The following SLIT2 variants were observed in gnomAD, a reference collection of about 807,000 sequenced individuals.
SLIT2 encodes slit guidance ligand 2.
A neutral mutation model predicts 185.7 loss-of-function variants in SLIT2; 41 were observed. The observed-to-expected ratio is 0.22, with a 90% confidence interval of 0.17 to 0.29. The LOEUF (loss-of-function observed/expected upper bound fraction) is 0.29, where lower values mean the gene tolerates loss of function less well. Among genes scored for constraint, SLIT2 ranks in the 10% least tolerant of loss-of-function variants. SLIT2 has a pLI of 1.00. For synonymous variants in SLIT2, 693 were observed against 680.2 expected (o/e 1.02, Z -0.29); for missense variants, 1,571 against 1,909.0 (o/e 0.82, Z 3.30).
At chr4:20,578,953 A>G (rs1322684645) in intron 29 of SLIT2, among the ~76,000 whole-genome samples, 1 of 152,172 alleles carries the variant, frequency 6.6e-6, no homozygotes, top group East Asian at 1.9e-4. Context: ...AAATAAGCCT[A>G]GATGAGACAT....
chr4:20,584,170 T>C (rs768589761), intron 29 of SLIT2, among the ~76,000 whole-genome samples: 3 of 152,168 alleles, frequency 2.0e-5, no homozygotes, highest in Non-Finnish European at 4.4e-5. Flanking sequence ...ACATCTCTAA[T>C]TCCAGAGCCT....
intron 4 of SLIT2, among the ~76,000 whole-genome samples, chr4:20,418,727 A>G (rs912398248): frequency 6.6e-6 from 1 of 152,206 alleles, no homozygotes. Flanking sequence ...GTTGTCACAT[A>G]TTGAAATTTG....
intron 4 of SLIT2, among the ~76,000 whole-genome samples, chr4:20,374,996 A>G (rs902199562): frequency 6.6e-6 from 1 of 151,854 alleles, no homozygotes; most frequent in Non-Finnish European, 1.5e-5. Flanking sequence ...TTTCTTCCTT[A>G]TAGCTCATTG....
intron 5 of SLIT2, among the ~76,000 whole-genome samples, chr4:20,477,236 C>G (rs1361063520): frequency 6.6e-6 from 1 of 150,716 alleles, no homozygotes; most frequent in Non-Finnish European, 1.5e-5. Flanking sequence ...CTCTTGTTGC[C>G]CAGGTGGGAG....
intron 4 of SLIT2, among the ~76,000 whole-genome samples, chr4:20,376,583 T>A (rs946308077): frequency 2.6e-5 from 4 of 152,080 alleles, no homozygotes; most frequent in Non-Finnish European, 5.9e-5. Flanking sequence ...AAAATATGGG[T>A]GAAATGATTT....
intron 4 of SLIT2, among the ~76,000 whole-genome samples, chr4:20,466,992 G>A (rs1714427639): frequency 6.6e-6 from 1 of 152,060 alleles, no homozygotes; most frequent in Non-Finnish European, 1.5e-5. Context: ...CATAGAATTG[G>A]CATTGGAATT....
At chr4:20,568,837 T>C (rs1259300733) in intron 28 of SLIT2, 28 bp from the exon 29 acceptor site, 1 of 1,602,160 alleles carries the variant, frequency 6.2e-7, no homozygotes, top group African/African-American at 1.3e-5. Flanking sequence ...AAAAAGATGT[T>C]TTTTGCCTTT....
At position 20,548,578 on chromosome 4, in the gene SLIT2, T is replaced by C. The variant is rs774106672; in HGVS notation, c.2417+19T>C. ...TCACCTTGTGAGTGTGAAAGTGTGG[T>C]ACTGAGTATTCATTAATTCAATGGA... On this transcript the variant is annotated intron_variant, in intron 23 of 36. Transcript: ENST00000504154. 1.3e-6 allele frequency: 2 copies of C among 1,482,434 alleles called. No individual in the cohort carries two copies. The highest frequency in any genetic ancestry group is 1.1e-5 in the South Asian group (1 of 88,044). 91.8% of individuals were successfully genotyped at this position (1,482,434 alleles called of 1,614,324 possible). A position where few individuals can be genotyped will look rare whatever the true frequency, so the allele number is the denominator to read the frequency against.
At chr4:20,472,263 T>G (rs1177447012) in intron 5 of SLIT2, among the ~76,000 whole-genome samples, 6 of 58,090 alleles carry the variant, frequency 1.0e-4, no homozygotes, top group African/African-American at 4.5e-4. Context: ...TAGATCTATA[T>G]ATAGATATAT....
chr4:20,541,407 A>G, intron 19 of SLIT2, 46 bp from the exon 20 acceptor site: 2 of 1,574,792 alleles, frequency 1.3e-6, no homozygotes, highest in Non-Finnish European at 1.7e-6. Context: ...AAGGAAGAAG[A>G]TGAAACCCCA....
At chr4:20,536,845 G>T (rs1560174926) in intron 18 of SLIT2, among the ~76,000 whole-genome samples, 2 of 151,016 alleles carry the variant, frequency 1.3e-5, no homozygotes, top group African/African-American at 4.9e-5. Context: ...TAAATTGTTT[G>T]ATTTACTTAC....
At chr4:20,384,704 A>C (rs1372104550) in intron 4 of SLIT2, among the ~76,000 whole-genome samples, 1 of 152,144 alleles carries the variant, frequency 6.6e-6, no homozygotes, top group African/African-American at 2.4e-5. Context: ...GAATATAGCC[A>C]CATAAGGAGA....
intron 4 of SLIT2, among the ~76,000 whole-genome samples, chr4:20,458,558 A>C (rs900618940): frequency 6.6e-6 from 1 of 152,186 alleles, no homozygotes; most frequent in Admixed American, 6.5e-5. Flanking sequence ...GTTTTTTAAA[A>C]CAATGTCCCT....
intron 15 of SLIT2, 109 bp downstream of exon 15, chr4:20,525,281 A>C (rs982413644): frequency 2.4e-6 from 2 of 818,662 alleles, no homozygotes; most frequent in African/African-American, 3.4e-5. Flanking sequence ...TGGATACTCT[A>C]TAGATAGATT....
At chr4:20,316,935 A>G (rs1156612118) in intron 4 of SLIT2, among the ~76,000 whole-genome samples, 1 of 151,684 alleles carries the variant, frequency 6.6e-6, no homozygotes, top group African/African-American at 2.4e-5. Context: ...TATGTTTAAA[A>G]TAAGTATGAA....
intron 18 of SLIT2, 140 bp downstream of exon 18, chr4:20,533,855 TACAC>T (rs1722024800): frequency 1.6e-6 from 1 of 616,150 alleles, no homozygotes; most frequent in Non-Finnish European, 2.8e-6. Flanking sequence ...TACACACACA[TACAC>T]ACCGCTACAC....
At chr4:20,347,824 A>C (rs1721548882) in intron 4 of SLIT2, among the ~76,000 whole-genome samples, 1 of 152,200 alleles carries the variant, frequency 6.6e-6, no homozygotes, top group Admixed American at 6.5e-5. Flanking sequence ...AAGAGAAGTA[A>C]AGCTCATAGA....
rs573344234 is a variant in SLIT2 at position 20,541,443 on chromosome 4, T to A, written c.1977-10T>A. 1 of 1,613,530 alleles carries A rather than the reference T, an allele frequency of 6.2e-7. No homozygotes were observed. Among genetic ancestry groups the A allele is most frequent in the Non-Finnish European group, 8.5e-7 (1 of 1,179,598 alleles). On this transcript the variant is annotated splice_polypyrimidine_tract_variant and intron_variant, in intron 19 of 36. Coordinates refer to ENST00000504154, the MANE Select transcript of SLIT2 (RefSeq NM_004787.4). ...GGCTAAACTGTGCATCGTTTGCCTGTGGCTCTTAGAAACCTCTTGGCCAAT... is the reference window on the plus strand; with the variant it reads ...GGCTAAACTGTGCATCGTTTGCCTGAGGCTCTTAGAAACCTCTTGGCCAAT...
chr4:20,581,010 G>T (rs997316294), intron 29 of SLIT2, among the ~76,000 whole-genome samples: 1 of 152,164 alleles, frequency 6.6e-6, no homozygotes, highest in African/African-American at 2.4e-5. Context: ...TTTATTCCCC[G>T]CTGTAAACTT....
Sources: allele counts gnomAD v4.1 joint callset (sites outside exome capture counted in the v4.1 genomes callset), GRCh38; gene constraint gnomAD v4.1.1; transcripts MANE v1.5; gene names NCBI Gene and HGNC (gene_info 2026-07-23, HGNC 2026-07-21).